The following VPS53 variants were observed in gnomAD, a reference collection of about 807,000 sequenced individuals.
VPS53 encodes the protein vacuolar protein sorting-associated protein 53 homolog.
Under a neutral mutation model 107.0 loss-of-function variants are expected in VPS53, and 70 were observed. The observed-to-expected ratio is 0.65, with a 90% confidence interval of 0.54 to 0.80. The LOEUF is 0.80. Among genes scored for constraint, VPS53 ranks in the 30% least tolerant of loss-of-function variants. The pLI is 0.00. For missense variants in VPS53, 917 were observed against 1,049.4 expected (o/e 0.87, Z 1.74); for synonymous variants, 409 against 393.3 (o/e 1.04, Z -0.47).
intron 13 of VPS53, among the ~76,000 whole-genome samples, chr17:568,663 G>A (rs2165843): frequency 6.6e-6 from 1 of 152,122 alleles, no homozygotes; most frequent in East Asian, 1.9e-4. Flanking sequence ...CCAAGGTGTG[G>A]CTTGAGCACA....
Position 627,158 on chromosome 17 carries a change from G to A in VPS53, c.974+16C>T, listed in dbSNP as rs1428446839. ...AATTTGATTAACCACAGAACCAGTA[G>A]AGAACTGGCATCTACCTTGTCACAT... On this transcript the variant is annotated intron_variant, in intron 10 of 21. Transcript: ENST00000437048. The A allele has an allele frequency of 1.9e-6, 3 of 1,609,440 alleles. No homozygotes were observed. Among genetic ancestry groups the A allele is most frequent in the African/African-American group, 1.3e-5 (1 of 74,684 alleles).
chr17:679,511 C>T (rs1190962774), intron 4 of VPS53, among the ~76,000 whole-genome samples: 2 of 151,900 alleles, frequency 1.3e-5, no homozygotes, highest in East Asian at 3.9e-4. Flanking sequence ...AAGACTCCGT[C>T]TCAAAAAACC....
At chr17:654,464 C>T (rs975623427) in intron 6 of VPS53, among the ~76,000 whole-genome samples, 10 of 151,944 alleles carry the variant, frequency 6.6e-5, no homozygotes, top group African/African-American at 1.7e-4. Flanking sequence ...ATTGGCCGGG[C>T]GCGGTGGCTC....
chr17:575,628 C>T (rs911693842), intron 13 of VPS53, among the ~76,000 whole-genome samples: 1 of 151,266 alleles, frequency 6.6e-6, no homozygotes, highest in Non-Finnish European at 1.5e-5. Context: ...CCCTCAGAAC[C>T]TAATGCATTC....
chr17:639,605 C>G (rs1970342647), intron 7 of VPS53, among the ~76,000 whole-genome samples: 1 of 152,034 alleles, frequency 6.6e-6, no homozygotes, highest in Non-Finnish European at 1.5e-5. Context: ...TGTGGATGTC[C>G]TTTCTGTTTG....
intron 20 of VPS53, 127 bp downstream of exon 20, chr17:521,474 C>T (rs971018650): frequency 5.5e-5 from 62 of 1,127,136 alleles, no homozygotes; most frequent in Non-Finnish European, 6.9e-5. Context: ...AAATCCAGTC[C>T]AGCCCAAGAA....
rs114108410 is a variant in VPS53 at position 670,476 on chromosome 17, G to A, written c.286-8581C>T. ...TGAGCAGGCTCTCAAAGCCACAGGAGGTCACGTGTGGAAGATAAGGAGTAT... is the reference window on the plus strand; with the variant it reads ...TGAGCAGGCTCTCAAAGCCACAGGAAGTCACGTGTGGAAGATAAGGAGTAT... On this transcript the variant is annotated intron_variant, in intron 4 of 21. Transcript: ENST00000437048. 2.2e-3 allele frequency among the ~76,000 whole-genome samples: 336 copies of A among 152,320 alleles called. 2 individuals carry two copies. The highest frequency in any genetic ancestry group is 7.7e-3 in the African/African-American group (322 of 41,574).
chr17:658,988 T>C (rs1971332588), intron 5 of VPS53, among the ~76,000 whole-genome samples: 1 of 151,218 alleles, frequency 6.6e-6, no homozygotes. Flanking sequence ...GACTTCCCCA[T>C]CAAGCCTTCT....
At chr17:666,167 C>G (rs1243092714) in intron 4 of VPS53, among the ~76,000 whole-genome samples, 1 of 152,050 alleles carries the variant, frequency 6.6e-6, no homozygotes, top group Non-Finnish European at 1.5e-5. Flanking sequence ...CCTAGGAAGA[C>G]AGAATACACA....
intron 1 of VPS53, among the ~76,000 whole-genome samples, chr17:710,895 A>C (rs1299983997): frequency 1.3e-5 from 2 of 151,670 alleles, no homozygotes; most frequent in Non-Finnish European, 2.9e-5. Context: ...CAGTGAGCCG[A>C]GATCACACCA....
chr17:562,830 A>C, intron 13 of VPS53, 85 bp from the exon 14 acceptor site: 1 of 1,447,204 alleles, frequency 6.9e-7, no homozygotes, highest in Non-Finnish European at 9.3e-7. Flanking sequence ...TACATAAACT[A>C]CTGCCACAAG....
chr17:519,851 G>T lies in VPS53; in HGVS notation c.2303C>A (p.Thr768Asn). The T allele has an allele frequency of 6.4e-7, 1 of 1,551,682 alleles. No individual in the cohort carries two copies. The highest frequency in any genetic ancestry group is 1.2e-5 in the South Asian group (1 of 84,064). Residue 768 changes from threonine (T) to asparagine (N), a missense_variant, in exon 21 of 22, where the codon ACC becomes AAC. Thr to Asn is a moderately conservative substitution (Grantham distance 65). Coordinates refer to ENST00000437048, the MANE Select transcript of VPS53 (RefSeq NM_001128159.3). This position sits in a 1 kb window ranked among gnomAD's most constrained non-coding sequence, Gnocchi z 5.0. ...CTTCATGTCCAGTATCTTCTGAAAGGTTTCTGTGTTGCAGTCTGTGAGAAG... is the reference window on the plus strand; with the variant it reads ...CTTCATGTCCAGTATCTTCTGAAAGTTTTCTGTGTTGCAGTCTGTGAGAAG... ...IKLLTDCNTETFQKILDMKGL... is the reference protein window; with the variant it reads ...IKLLTDCNTENFQKILDMKGL...
intron 4 of VPS53, among the ~76,000 whole-genome samples, chr17:696,309 C>A (rs1294529765): frequency 6.6e-6 from 1 of 152,194 alleles, no homozygotes; most frequent in Non-Finnish European, 1.5e-5. Flanking sequence ...CTCCTAATAT[C>A]TGTAAGCAAC....
intron 4 of VPS53, among the ~76,000 whole-genome samples, chr17:696,229 T>C (rs1238130650): frequency 6.6e-6 from 1 of 151,078 alleles, no homozygotes; most frequent in Non-Finnish European, 1.5e-5. Flanking sequence ...AGTGGAAAAA[T>C]GGAAAAAGAA....
intron 7 of VPS53, chr17:632,628 G>A (rs959292044): frequency 4.6e-6 from 2 of 430,294 alleles, no homozygotes; most frequent in Non-Finnish European, 9.4e-6. Context: ...CTGTATTTTT[G>A]TGCCCAGTAG....
intron 8 of VPS53, among the ~76,000 whole-genome samples, chr17:629,762 C>CA (rs769585612): frequency 7.0e-6 from 1 of 143,156 alleles, no homozygotes; most frequent in Non-Finnish European, 1.5e-5. Flanking sequence ...GACTCCATCT[C>CA]AAAAAAAAGA....
At chr17:630,443 G>GT (rs1466140272) in intron 8 of VPS53, among the ~76,000 whole-genome samples, 3 of 152,092 alleles carry the variant, frequency 2.0e-5, no homozygotes, top group African/African-American at 4.8e-5. Flanking sequence ...TTTTCCTCAT[G>GT]TAATAAATAG....
intron 19 of VPS53, among the ~76,000 whole-genome samples, chr17:529,572 G>T (rs1243678697): frequency 6.6e-6 from 1 of 152,140 alleles, no homozygotes; most frequent in Non-Finnish European, 1.5e-5. Context: ...AGCAGGCTCA[G>T]AAAGACTCCA....
chr17:531,562 C>T (rs972980065), intron 19 of VPS53, among the ~76,000 whole-genome samples: 10 of 150,786 alleles, frequency 6.6e-5, no homozygotes, highest in Non-Finnish European at 1.2e-4. Flanking sequence ...TTCAGTGCAG[C>T]GGCACGATCA....
Sources: gnomAD v4.1 joint callset for allele counts (sites outside exome capture counted in the v4.1 genomes callset) on GRCh38, gnomAD v4.1.1 for gene constraint, Gnocchi (gnomAD v3.1) non-coding constraint, MANE v1.5 for transcripts, NCBI Gene and HGNC (gene_info 2026-07-23, HGNC 2026-07-21) for gene names.